The following SNX31 variants were observed in gnomAD, a reference collection of about 807,000 sequenced individuals.
The protein encoded by SNX31 is sorting nexin 31, also known as sorting nexin-31.
In SNX31, 58 loss-of-function variants were observed where a neutral mutation model predicts 65.4. The observed-to-expected ratio is 0.89, with a 90% CI of 0.72 to 1.10. The LOEUF (loss-of-function observed/expected upper bound fraction) is 1.10. SNX31 is among the 50% of genes least tolerant of loss of function. The probability of loss-of-function intolerance (pLI) is 0.00; values close to 1 mark genes in which losing one functional copy is unlikely to be tolerated. For missense variants in SNX31, 523 were observed against 529.7 expected (o/e 0.99, Z 0.12); for synonymous variants, 181 against 190.1 (o/e 0.95, Z 0.39).
chr8:100,647,375 C>G (rs1169828269), intron 2 of SNX31, among the ~76,000 whole-genome samples: 3 of 152,162 alleles, frequency 2.0e-5, no homozygotes, highest in Admixed American at 2.0e-4. Context: ...CAGACAATTT[C>G]TACTTCATGT....
intron 9 of SNX31, among the ~76,000 whole-genome samples, chr8:100,599,680 G>A (rs925368959): frequency 2.0e-5 from 3 of 152,048 alleles, no homozygotes; most frequent in Admixed American, 2.0e-4. Context: ...CATTGGCAAA[G>A]TCAGAAGAAT....
chr8:100,635,848 G>A (rs1171837121), intron 3 of SNX31, 49 bp downstream of exon 3: 1 of 1,317,034 alleles, frequency 7.6e-7, no homozygotes, highest in East Asian at 2.3e-5. Flanking sequence ...GTGGCATATA[G>A]CTTACATTGC....
intron 2 of SNX31, among the ~76,000 whole-genome samples, chr8:100,645,839 G>A (rs930903707): frequency 9.2e-5 from 14 of 152,102 alleles, no homozygotes; most frequent in South Asian, 2.1e-4. Flanking sequence ...TTGAACTCCC[G>A]AGCTCAGGCA....
At chr8:100,593,425 T>TG (rs1160168302) in intron 10 of SNX31, among the ~76,000 whole-genome samples, 1 of 152,122 alleles carries the variant, frequency 6.6e-6, no homozygotes, top group Non-Finnish European at 1.5e-5. Flanking sequence ...AGGTTGGGGA[T>TG]GGGGGGATAA....
In SNX31 at chr8:100,648,973, C is replaced by A. The variant is rs1178454865; in HGVS notation, c.141+301G>T. Reference sequence around the variant, plus strand: ...GAAATGGGGCCCAGCATAGCCCCAGCGCCCTGCCAGGCGGCGCTAGCGGGG... The same window carrying A: ...GAAATGGGGCCCAGCATAGCCCCAGAGCCCTGCCAGGCGGCGCTAGCGGGG... On this transcript the variant is annotated intron_variant, in intron 2 of 13. Transcript: ENST00000311812. This position sits in a 1 kb window ranked among gnomAD's most constrained non-coding sequence, Gnocchi z 4.3. Among the ~76,000 whole-genome samples the A allele has an allele frequency of 3.3e-5, 5 of 152,260 alleles. No individual in the cohort carries two copies. The highest frequency in any genetic ancestry group is 1.2e-4 in the African/African-American group (5 of 41,470).
rs372963381 is a variant in SNX31, at chr8:100,577,878, C to A, written c.1171-803G>T. Among the ~76,000 whole-genome samples the A allele has an allele frequency of 1.2e-4, 19 of 152,282 alleles. No homozygotes were observed. In the East Asian group the frequency reaches 3.7e-3, roughly 29 times the overall value. ...AAACACCCTACTCTCACTTTTCTCC[C>A]ACCCTCCAATCTCCTGCTGGTTTCC... is the stretch of plus-strand genomic sequence containing the variant. On this transcript the variant is annotated intron_variant, in intron 12 of 13. Coordinates refer to ENST00000311812, the MANE Select transcript of SNX31 (RefSeq NM_152628.4).
At chr8:100,624,317 T>C (rs1012708214) in intron 4 of SNX31, among the ~76,000 whole-genome samples, 1 of 152,222 alleles carries the variant, frequency 6.6e-6, no homozygotes, top group Non-Finnish European at 1.5e-5. Context: ...GATAGTCATA[T>C]ATGTATATAA....
At chr8:100,647,384 G>T (rs1425118282) in intron 2 of SNX31, among the ~76,000 whole-genome samples, 1 of 152,162 alleles carries the variant, frequency 6.6e-6, no homozygotes, top group Non-Finnish European at 1.5e-5. Flanking sequence ...TCTACTTCAT[G>T]TCTTACCAAA....
chr8:100,608,175 A>G (rs768257860), intron 8 of SNX31, among the ~76,000 whole-genome samples: 10 of 152,198 alleles, frequency 6.6e-5, no homozygotes, highest in Non-Finnish European at 1.3e-4. Context: ...AAATATATAC[A>G]ACGTAACTTG....
chr8:100,577,276 A>C (rs796144221), intron 12 of SNX31, among the ~76,000 whole-genome samples: 1 of 152,256 alleles, frequency 6.6e-6, no homozygotes, highest in East Asian at 1.9e-4. Context: ...TAGAGTCCCC[A>C]AAAGTTAAGT....
Position 100,584,180 on chromosome 8 carries a change from CA to C in SNX31, c.1100del (p.Leu367CysfsTer2). The C allele has an allele frequency of 6.3e-7, 1 of 1,591,288 alleles. No homozygotes were observed. The highest frequency in any genetic ancestry group is 2.3e-5 in the East Asian group (1 of 42,780). On this transcript the variant is annotated frameshift_variant, in exon 12 of 14. Coordinates refer to ENST00000311812, the MANE Select transcript of SNX31 (RefSeq NM_152628.4). LOFTEE classifies it high-confidence loss of function. Reference protein sequence around the residue: ...WFVIYTKQAFLLSSCLKKMIS... With the variant: ...WFVIYTKQAFXLSSCLKKMIS... ...TCATCTTTTTCAAGCAGCTACTCAG[CA>C]AAAAAGCCTAAGAAATGCAGGAATA...
chr8:100,621,172 T>C lies in SNX31; in HGVS notation c.322-3442A>G, dbSNP rs112529589. On this transcript the variant is annotated intron_variant, in intron 4 of 13. Transcript: ENST00000311812. ...AAAACAAAAACCAAAAAATAACTTA[T>C]CCAAGGACACACTGCTAGTTGGTGG... is the stretch of plus-strand genomic sequence containing the variant. 9.7e-3 allele frequency among the ~76,000 whole-genome samples: 1,478 copies of C among 151,960 alleles called. 22 individuals carry two copies. The highest frequency in any genetic ancestry group is 0.034 in the African/African-American group (1,400 of 41,438).
rs1271694890 is a variant in SNX31 at position 100,622,732 on chromosome 8, G to T, written c.322-5002C>A. 6.6e-6 allele frequency among the ~76,000 whole-genome samples: 1 copy of T among 152,046 alleles called. No individual in the cohort carries two copies. The highest frequency in any genetic ancestry group is 1.5e-5 in the Non-Finnish European group (1 of 68,004). On this transcript the variant is annotated intron_variant, in intron 4 of 13. Coordinates refer to ENST00000311812, the MANE Select transcript of SNX31 (RefSeq NM_152628.4). The surrounding 1 kb of genome is among the most constrained non-coding windows in gnomAD (Gnocchi z 5.0). ...AATTAAATGGGGGCATTTAAAAATGGAGTGTTGATACATGAACTTCCCTCT... is the reference window on the plus strand; with the variant it reads ...AATTAAATGGGGGCATTTAAAAATGTAGTGTTGATACATGAACTTCCCTCT...
At chr8:100,662,809 A>T (rs1159790292) in intron 1 of SNX31, among the ~76,000 whole-genome samples, 3 of 152,238 alleles carry the variant, frequency 2.0e-5, no homozygotes, top group Non-Finnish European at 1.5e-5. Flanking sequence ...AATGGAGAGC[A>T]TTTTGAGGTA....
At chr8:100,582,315 TC>T (rs1813624760) in intron 12 of SNX31, 1 of 152,240 alleles carries the variant, frequency 6.6e-6, no homozygotes, top group Non-Finnish European at 1.5e-5. Context: ...AGAGCACTTC[TC>T]CCTTTTAATG....
chr8:100,601,697 A>T (rs1815642779), intron 8 of SNX31, among the ~76,000 whole-genome samples: 1 of 152,180 alleles, frequency 6.6e-6, no homozygotes, highest in African/African-American at 2.4e-5. Context: ...ATCATCAGCA[A>T]GTGTTCCCAA....
chr8:100,619,378 G>A (rs1817513762), intron 4 of SNX31, among the ~76,000 whole-genome samples: 1 of 152,224 alleles, frequency 6.6e-6, no homozygotes. Flanking sequence ...CCAGCTGAAG[G>A]AGCAGCTCCT....
At chr8:100,662,233 G>C (rs371727408) in intron 1 of SNX31, among the ~76,000 whole-genome samples, 1 of 152,204 alleles carries the variant, frequency 6.6e-6, no homozygotes, top group South Asian at 2.1e-4. Flanking sequence ...CCAAGGTTAT[G>C]CAGCTGTTAA....
chr8:100,581,699 G>A (rs1813571861), intron 12 of SNX31, among the ~76,000 whole-genome samples: 1 of 152,102 alleles, frequency 6.6e-6, no homozygotes, highest in South Asian at 2.1e-4. Context: ...AGACCTCTGT[G>A]TCCTAGTCCA....
Sources: allele counts gnomAD v4.1 joint callset (sites outside exome capture counted in the v4.1 genomes callset), GRCh38; gene constraint gnomAD v4.1.1; non-coding constraint Gnocchi (gnomAD v3.1); transcripts MANE v1.5; gene names NCBI Gene and HGNC (gene_info 2026-07-23, HGNC 2026-07-21).